ENDOD1: variants seen among roughly 807,000 people sequenced by gnomAD.
ENDOD1 encodes endonuclease domain containing 1, also known as endonuclease domain-containing 1 protein.
Under a neutral mutation model 6.5 loss-of-function variants are expected in ENDOD1, and 9 were observed. The ratio of observed to expected loss-of-function variants is 1.39; its 90% confidence interval spans 0.84 to 2.43. ENDOD1 has a LOEUF of 2.43. ENDOD1 is among the 30% of genes most tolerant of loss of function. The pLI is 0.00. For missense variants in ENDOD1, 648 were observed against 635.5 expected, an observed-to-expected ratio of 1.02 and a Z score of -0.21; for synonymous variants, 255 against 255.2, an observed-to-expected ratio of 1.00 and a Z score of 0.01.
chr11:95,095,204 G>A (rs1428348372), intron 1 of ENDOD1, among the ~76,000 whole-genome samples: 1 of 152,242 alleles, frequency 6.6e-6, no homozygotes, highest in African/African-American at 2.4e-5. Context: ...CTTCATAAAT[G>A]CATGATGAGA....
rs199975713 is a variant in ENDOD1 at position 95,097,994 on chromosome 11, AT to A, written c.300+7776del. Among the ~76,000 whole-genome samples, 5 of 151,460 alleles carry A rather than the reference AT, an allele frequency of 3.3e-5. No individual in the cohort carries two copies. In the South Asian group the frequency reaches 6.2e-4, roughly 19 times the overall value. On this transcript the variant is annotated intron_variant, in intron 1 of 1. Coordinates refer to ENST00000278505, the MANE Select transcript of ENDOD1 (RefSeq NM_015036.3). ...GGACCAGAAGTGTTTCAGTTTGAAG[AT>A]TTTTTTTTGGATTTTGGAATTAGTG...
At chr11:95,100,136 T>TG (rs1859023879) in intron 1 of ENDOD1, among the ~76,000 whole-genome samples, 1 of 152,202 alleles carries the variant, frequency 6.6e-6, no homozygotes, top group Non-Finnish European at 1.5e-5. Context: ...GGGTGGTTGA[T>TG]GACCTTACTT....
intron 1 of ENDOD1, among the ~76,000 whole-genome samples, chr11:95,100,655 A>G (rs1859029528): frequency 6.7e-6 from 1 of 149,740 alleles, no homozygotes. Context: ...GGCTAATTTT[A>G]TGTATTTTTT....
chr11:95,099,504 T>C (rs372726530), intron 1 of ENDOD1, among the ~76,000 whole-genome samples: 14 of 152,334 alleles, frequency 9.2e-5, no homozygotes, highest in Middle Eastern at 3.4e-3. Flanking sequence ...GACCCACACA[T>C]CCATCATCCA....
At chr11:95,099,736 G>T (rs1230872642) in intron 1 of ENDOD1, among the ~76,000 whole-genome samples, 2 of 152,158 alleles carry the variant, frequency 1.3e-5, no homozygotes, top group African/African-American at 4.8e-5. Context: ...ATCTTTGCAG[G>T]TTCTTGCATT....
chr11:95,123,463 GAGTCCCTGT>G (rs1232753047), intron 1 of ENDOD1, among the ~76,000 whole-genome samples: 1 of 151,880 alleles, frequency 6.6e-6, no homozygotes, highest in African/African-American at 2.4e-5. Flanking sequence ...AAAGGGCTGA[GAGTCCCTGT>G]AGCCCATTGT....
At chr11:95,100,865 G>GTTTTTTTTTTTTTTTTTTTTT (rs34680715) in intron 1 of ENDOD1, among the ~76,000 whole-genome samples, 1 of 72,292 alleles carries the variant, frequency 1.4e-5, no homozygotes, top group Non-Finnish European at 2.4e-5. Context: ...CCTGCTGGGT[G>GTTTTTTTTTTTTTTTTTTTTT]TTTTTTTTTT....
Position 95,128,408 on chromosome 11 carries a change from C to T in ENDOD1, c.332C>T (p.Ala111Val), listed in dbSNP as rs764362909. 3.3e-5 allele frequency: 53 copies of T among 1,613,650 alleles called. No individual in the cohort carries two copies. Among genetic ancestry groups the T allele is most frequent in the Non-Finnish European group, 4.3e-5 (51 of 1,179,816 alleles). Residue 111 changes from alanine to valine, a missense_variant, in exon 2 of 2, where the codon GCG becomes GTG. Coordinates refer to ENST00000278505, the MANE Select transcript of ENDOD1 (RefSeq NM_015036.3). ...GACCCCAACAGCAACCTTGAGGAGG[C>T]GATTAATGAGGCAGAGGCCATCACC... ...IDDPNSNLEEAINEAEAITSV... is the reference protein window; with the variant it reads ...IDDPNSNLEEVINEAEAITSV...
At chr11:95,126,641 T>A (rs913902200) in intron 1 of ENDOD1, among the ~76,000 whole-genome samples, 1 of 152,238 alleles carries the variant, frequency 6.6e-6, no homozygotes, top group Non-Finnish European at 1.5e-5. Flanking sequence ...AGCATATATT[T>A]TCTTATCATT....
chr11:95,108,534 C>CACACACACACACAAAAAA (rs1176686943), intron 1 of ENDOD1, among the ~76,000 whole-genome samples: 2 of 141,860 alleles, frequency 1.4e-5, no homozygotes, highest in African/African-American at 5.0e-5. Flanking sequence ...CACAGACACC[C>CACACACACACACAAAAAA]AAAAAAAGAA....
intron 1 of ENDOD1, among the ~76,000 whole-genome samples, chr11:95,091,522 GC>G (rs1195298681): frequency 1.3e-5 from 2 of 152,202 alleles, no homozygotes; most frequent in African/African-American, 4.8e-5. Context: ...TCCACCAGCT[GC>G]ACCCCTAGAG....
In ENDOD1 at chr11:95,129,778, T is replaced by C; in HGVS notation, c.*199T>C. On this transcript the variant is annotated 3_prime_UTR_variant, in exon 2 of 2. Coordinates refer to ENST00000278505, the MANE Select transcript of ENDOD1 (RefSeq NM_015036.3). ...CTCAGGGTGAGATTAGGTGTAGTAA[T>C]CTGCTGTTTACCTCCAGTTATATGT... 1 of 595,748 alleles carries C rather than the reference T, an allele frequency of 1.7e-6. No homozygotes were observed. The highest frequency in any genetic ancestry group is 2.1e-5 in the South Asian group (1 of 47,058). The allele number at this position is 595,748 out of a possible 1,614,324, so 36.9% of individuals were successfully genotyped here.
chr11:95,129,182 T>C lies in ENDOD1; in HGVS notation c.1106T>C (p.Ile369Thr). 1 of 1,614,178 alleles carries C rather than the reference T, an allele frequency of 6.2e-7. No homozygotes were observed. Among genetic ancestry groups the C allele is most frequent in the South Asian group, 1.1e-5 (1 of 91,082 alleles). The part of the protein sequence containing the change: ...YFLWCVTKQV[I>T]NGIESCLYRL... Reference sequence around the variant, plus strand: ...CTGTGGTGTGTTACCAAGCAGGTGATTAATGGCATAGAAAGTTGCCTTTAC... The same window carrying C: ...CTGTGGTGTGTTACCAAGCAGGTGACTAATGGCATAGAAAGTTGCCTTTAC... Residue 369 changes from isoleucine (I) to threonine (T), a missense_variant, in exon 2 of 2, where the codon ATT (isoleucine) becomes ACT (threonine). Physicochemically the swap from Ile to Thr is moderately conservative, Grantham distance 89. Coordinates refer to ENST00000278505, the MANE Select transcript of ENDOD1 (RefSeq NM_015036.3).
intron 1 of ENDOD1, among the ~76,000 whole-genome samples, chr11:95,116,615 G>A (rs1234751887): frequency 1.1e-4 from 17 of 152,076 alleles, no homozygotes; most frequent in Non-Finnish European, 1.5e-5. Context: ...TTCGTTGTAG[G>A]TGCTTATGCC....
At chr11:95,111,798 C>T (rs1859153272) in intron 1 of ENDOD1, among the ~76,000 whole-genome samples, 1 of 152,136 alleles carries the variant, frequency 6.6e-6, no homozygotes, top group African/African-American at 2.4e-5. Context: ...GTTGGAGACC[C>T]CTGCTTTAGA....
At chr11:95,115,825 C>T (rs74657368) in intron 1 of ENDOD1, among the ~76,000 whole-genome samples, 4,585 of 152,198 alleles carry the variant, frequency 0.03, 105 homozygotes, top group Non-Finnish European at 0.044. Context: ...ATCCTTGCAT[C>T]CCGGGAATAA....
chr11:95,117,929 TA>T (rs1243028926), intron 1 of ENDOD1, among the ~76,000 whole-genome samples: 3 of 152,202 alleles, frequency 2.0e-5, no homozygotes, highest in Non-Finnish European at 4.4e-5. Context: ...ATCTGCTGTA[TA>T]TTTTTTGATT....
rs1031134079 is a variant in ENDOD1 at position 95,130,235 on chromosome 11, T to G, written c.*656T>G. ...TTTTCTTTTAGGTAATGATAAGCAT[T>G]TTTTAAAAAATCATTTTTAGGTAAT... On this transcript the variant is annotated 3_prime_UTR_variant, in exon 2 of 2. Coordinates refer to ENST00000278505, the MANE Select transcript of ENDOD1 (RefSeq NM_015036.3). The G allele has an allele frequency of 6.6e-6, 1 of 152,222 alleles. No homozygotes were observed. The highest frequency in any genetic ancestry group is 1.5e-5 in the Non-Finnish European group (1 of 68,036). The allele number at this position is 152,222 out of a possible 1,614,324, so 9.4% of individuals were successfully genotyped here. A position where few individuals can be genotyped will look rare whatever the true frequency, so the allele number is the denominator to read the frequency against.
rs1226266918 is a variant in ENDOD1 at position 95,111,728 on chromosome 11, G to A, written c.301-16649G>A. On this transcript the variant is annotated intron_variant, in intron 1 of 1. Coordinates refer to ENST00000278505, the MANE Select transcript of ENDOD1 (RefSeq NM_015036.3). ...TGGCTGTAAATATAGATGAAACTTC[G>A]CTTGCTCACCCACTGTTCACCTCCT... Among the ~76,000 whole-genome samples the A allele has an allele frequency of 3.3e-5, 5 of 152,176 alleles. No homozygotes were observed. The South Asian group carries it at 6.2e-4, about 19-fold the overall frequency.
Sources: allele counts gnomAD v4.1 joint callset (sites outside exome capture counted in the v4.1 genomes callset), GRCh38; gene constraint gnomAD v4.1.1; transcripts MANE v1.5; gene names NCBI Gene and HGNC (gene_info 2026-07-23, HGNC 2026-07-21).